Variants in SEMA3D observed in about 807,000 individuals in gnomAD.
The protein encoded by SEMA3D is semaphorin-3D.
In SEMA3D, 84 loss-of-function variants were observed where a neutral mutation model predicts 100.1. That is an observed-to-expected ratio of 0.84 (90% CI 0.70 to 1.01). SEMA3D has a LOEUF of 1.01. Ranked by LOEUF, SEMA3D falls within the 50% of genes least tolerant of loss-of-function variation. The pLI is 0.00. For missense variants in SEMA3D, 875 were observed against 934.1 expected, an observed-to-expected ratio of 0.94 and a Z score of 0.82; for synonymous variants, 312 against 320.7, an observed-to-expected ratio of 0.97 and a Z score of 0.29.
At chr7:85,241,467 G>GTATATATATATATA in the SEMA3D span, among the ~76,000 whole-genome samples, 44 of 91,972 alleles carry the variant, frequency 4.8e-4, 3 homozygotes, top group African/African-American at 2.2e-3. Context: ...CTGTGTGTGT[G>GTATATATATATATA]TATATATATA....
rs1488440028 is a variant in SEMA3D, at chr7:85,103,719, A to T, written c.152-5754T>A. Reference sequence around the variant, plus strand: ...TAATCACCCAGATGTTCAAATTCCCACTTTTGTTCTAGCAACACAGTTTTG... The same window carrying T: ...TAATCACCCAGATGTTCAAATTCCCTCTTTTGTTCTAGCAACACAGTTTTG... On this transcript the variant is annotated intron_variant, in intron 3 of 18. Coordinates refer to ENST00000284136, the MANE Select transcript of SEMA3D (RefSeq NM_001384900.1). Among the ~76,000 whole-genome samples the T allele has an allele frequency of 2.0e-5, 3 of 151,898 alleles. No homozygotes were observed. In the South Asian group the frequency reaches 6.2e-4, roughly 31 times the overall value.
chr7:85,002,425 A>G (rs560657250), intron 18 of SEMA3D, among the ~76,000 whole-genome samples: 3 of 152,328 alleles, frequency 2.0e-5, no homozygotes, highest in African/African-American at 4.8e-5. Context: ...ATATTTACAG[A>G]GAATTTTTGC....
At chr7:85,063,965 T>C (rs531494921) in intron 8 of SEMA3D, among the ~76,000 whole-genome samples, 3 of 152,264 alleles carry the variant, frequency 2.0e-5, no homozygotes, top group East Asian at 1.9e-4. Context: ...TCAGAAGTTG[T>C]TTATTAAGGA....
intron 17 of SEMA3D, among the ~76,000 whole-genome samples, chr7:85,008,511 C>T (rs1435246351): frequency 6.6e-6 from 1 of 151,504 alleles, no homozygotes; most frequent in Non-Finnish European, 1.5e-5. Context: ...TAGATGTATG[C>T]ATATTATATA....
chr7:85,201,885 A>C, the SEMA3D span, among the ~76,000 whole-genome samples: 1 of 151,384 alleles, frequency 6.6e-6, no homozygotes, highest in Non-Finnish European at 1.5e-5. Context: ...GCCACCAGGA[A>C]TAGCTAATAT....
At chr7:85,229,195 A>G in the SEMA3D span, among the ~76,000 whole-genome samples, 567 of 152,188 alleles carry the variant, frequency 3.7e-3, 4 homozygotes, top group African/African-American at 0.013. Context: ...TCTTGAAACT[A>G]CATGTAATTG....
intron 11 of SEMA3D, among the ~76,000 whole-genome samples, chr7:85,038,928 G>T (rs1171806927): frequency 6.6e-6 from 1 of 152,110 alleles, no homozygotes; most frequent in African/African-American, 2.4e-5. Context: ...ATAAGGTATT[G>T]TGAACAAAAT....
intron 9 of SEMA3D, among the ~76,000 whole-genome samples, chr7:85,050,105 ACAC>A (rs1276263357): frequency 1.3e-5 from 2 of 151,526 alleles, no homozygotes; most frequent in African/African-American, 4.8e-5. Flanking sequence ...ACACACACAC[ACAC>A]ACACACACAC....
At chr7:85,210,209 C>G in the SEMA3D span, among the ~76,000 whole-genome samples, 10 of 152,154 alleles carry the variant, frequency 6.6e-5, no homozygotes, top group African/African-American at 2.4e-4. Context: ...GTCACAAAAC[C>G]TGGGTCTCTA....
chr7:85,198,498 A>G, the SEMA3D span, among the ~76,000 whole-genome samples: 5 of 151,998 alleles, frequency 3.3e-5, no homozygotes, highest in Non-Finnish European at 5.9e-5. Context: ...AAAATTTTTA[A>G]TAACTATTTC....
At chr7:85,038,015 G>C (rs1790749760) in intron 11 of SEMA3D, among the ~76,000 whole-genome samples, 2 of 137,254 alleles carry the variant, frequency 1.5e-5, no homozygotes, top group Admixed American at 7.7e-5. Context: ...ATAGACACAG[G>C]AAGGGGAACA....
At chr7:85,060,199 C>G (rs1791434393) in intron 8 of SEMA3D, among the ~76,000 whole-genome samples, 1 of 152,078 alleles carries the variant, frequency 6.6e-6, no homozygotes, top group South Asian at 2.1e-4. Context: ...GGTGTTAAAG[C>G]TAAATGTTTG....
At chr7:85,029,601 G>C in intron 12 of SEMA3D, 1 of 476,480 alleles carries the variant, frequency 2.1e-6, no homozygotes, top group Non-Finnish European at 4.0e-6. Flanking sequence ...GAGTGCAGAA[G>C]GCATGCTAGG....
At chr7:85,048,910 G>T (rs1260318537) in intron 9 of SEMA3D, among the ~76,000 whole-genome samples, 1 of 151,584 alleles carries the variant, frequency 6.6e-6, no homozygotes, top group African/African-American at 2.4e-5. Context: ...ACTTTCTTTG[G>T]CAACTTAAAT....
At chr7:85,223,982 C>A in the SEMA3D span, among the ~76,000 whole-genome samples, 1 of 151,748 alleles carries the variant, frequency 6.6e-6, no homozygotes, top group African/African-American at 2.4e-5. Context: ...GGCAGACAGA[C>A]ACAGGAAAAA....
At chr7:85,083,154 A>G (rs1273847308) in intron 4 of SEMA3D, among the ~76,000 whole-genome samples, 2 of 152,350 alleles carry the variant, frequency 1.3e-5, no homozygotes, top group East Asian at 3.9e-4. Context: ...TAAAATGGTT[A>G]CATTTCAGGT....
intron 2 of SEMA3D, among the ~76,000 whole-genome samples, chr7:85,134,678 G>C (rs1789809277): frequency 6.6e-6 from 1 of 151,894 alleles, no homozygotes; most frequent in South Asian, 2.1e-4. Context: ...ACAGTCTCTG[G>C]TATGGAGTCA....
At chr7:85,181,735 G>T in intron 1 of SEMA3D, 1 of 959,338 alleles carries the variant, frequency 1.0e-6, no homozygotes, top group Non-Finnish European at 1.2e-6. Flanking sequence ...GTAGCTTATT[G>T]AGCTTTGCAA....
chr7:85,100,622 A>G (rs1788716026), intron 3 of SEMA3D, among the ~76,000 whole-genome samples: 1 of 151,940 alleles, frequency 6.6e-6, no homozygotes, highest in Non-Finnish European at 1.5e-5. Flanking sequence ...AGGTAATTCT[A>G]AAAAGTATCA....
Sources: gnomAD v4.1 joint callset for allele counts (sites outside exome capture counted in the v4.1 genomes callset) on GRCh38, gnomAD v4.1.1 for gene constraint, MANE v1.5 for transcripts, NCBI Gene and HGNC (gene_info 2026-07-23, HGNC 2026-07-21) for gene names.